Variants in NIPA1 observed in about 807,000 individuals in gnomAD.
NIPA1 encodes magnesium transporter NIPA1.
NIPA1 carries 13 observed loss-of-function variants against 23.9 expected under a neutral mutation model. The ratio of observed to expected loss-of-function variants is 0.54; its 90% CI spans 0.35 to 0.87. NIPA1 has a LOEUF of 0.87. Among genes scored for constraint, NIPA1 ranks in the 40% least tolerant of loss-of-function variants. NIPA1 has a pLI of 0.01. For missense variants in NIPA1, 362 were observed against 429.7 expected (o/e 0.84, Z 1.39); for synonymous variants, 234 against 202.9 (o/e 1.15, Z -1.30).
rs1398329077 is a variant in NIPA1 at position 22,829,087 on chromosome 15, T to A, written c.*4848T>A. The A allele has an allele frequency of 6.6e-6, 1 of 152,202 alleles. No homozygotes were observed. The allele number at this position is 152,202 out of a possible 1,614,324, so 9.4% of individuals were successfully genotyped here. A position where few individuals can be genotyped will look rare whatever the true frequency, so the allele number is the denominator to read the frequency against. On this transcript the variant is annotated 3_prime_UTR_variant, in exon 5 of 5. Coordinates refer to ENST00000337435, the MANE Select transcript of NIPA1 (RefSeq NM_144599.5). ...AAGCTTTAGTTTTCCTTTTTTTGTT[T>A]TAAAAGAAAGGGTTTTATATGTTCT...
Position 22,818,943 on chromosome 15 carries a change from G to A in NIPA1, c.318-1370G>A, listed in dbSNP as rs540617644. On this transcript the variant is annotated intron_variant, in intron 3 of 4. Transcript: ENST00000337435. ...TCTTGGCATAGTCCACCCGTTGTCC[G>A]AGGCCAGTTCCAGGCCCACTTTTTG... Among the ~76,000 whole-genome samples, 4 of 152,252 alleles carry A rather than the reference G, an allele frequency of 2.6e-5. No individual in the cohort carries two copies. The South Asian group carries it at 8.3e-4, about 32-fold the overall frequency.
rs1277001936 is a variant in NIPA1 at position 22,829,676 on chromosome 15, T to A, written c.*5437T>A. 6.6e-6 allele frequency: 1 copy of A among 152,176 alleles called. No individual in the cohort carries two copies. Among genetic ancestry groups the A allele is most frequent in the Non-Finnish European group, 1.5e-5 (1 of 68,034 alleles). The allele number at this position is 152,176 out of a possible 1,614,324, so 9.4% of individuals were successfully genotyped here. On this transcript the variant is annotated 3_prime_UTR_variant, in exon 5 of 5. Coordinates refer to ENST00000337435, the MANE Select transcript of NIPA1 (RefSeq NM_144599.5). The stretch of plus-strand genomic sequence containing the variant: ...ACCTGCTTATATTTTGCTTTATAGA[T>A]GTAGTCATAGCATGTTGTTATTGCC...
chr15:22,798,927 A>G (rs1895004617), intron 1 of NIPA1, among the ~76,000 whole-genome samples: 1 of 151,612 alleles, frequency 6.6e-6, no homozygotes, highest in Non-Finnish European at 1.5e-5. Flanking sequence ...AATCCCATGT[A>G]CATATCACCC....
chr15:22,824,193 A>G lies in NIPA1; in HGVS notation c.944A>G (p.Asn315Ser), dbSNP rs1046534838. 3 of 1,613,560 alleles carry G rather than the reference A, an allele frequency of 1.9e-6. No individual in the cohort carries two copies. The highest frequency in any genetic ancestry group is 1.7e-5 in the Admixed American group (1 of 60,022). Residue 315 changes from asparagine to serine, a missense_variant, in exon 5 of 5, where the codon AAT (asparagine) becomes AGT (serine). This residue lies in a region of NIPA1 where 277 missense variants were observed against 372.0 expected (regional missense o/e 0.74). Transcript: ENST00000337435. The surrounding 1 kb of genome is among the most constrained non-coding windows in gnomAD (Gnocchi z 4.1). ...CTTATACAGGTGTTCAAAGAGTTCA[A>G]TTTCAACCTTGGGGAGATGAACAAA... ...IVLIQVFKEFNFNLGEMNKSN... is the reference protein window; with the variant it reads ...IVLIQVFKEFSFNLGEMNKSN...
chr15:22,795,573 C>T (rs528293104), intron 1 of NIPA1, among the ~76,000 whole-genome samples: 11 of 152,240 alleles, frequency 7.2e-5, no homozygotes, highest in African/African-American at 2.6e-4. Context: ...CCTTGGACGC[C>T]CTTACAGCGT....
At chr15:22,805,972 G>A (rs1895199440) in intron 1 of NIPA1, among the ~76,000 whole-genome samples, 1 of 152,002 alleles carries the variant, frequency 6.6e-6, no homozygotes, top group South Asian at 2.1e-4. Context: ...CGCCCAGGCT[G>A]GAGTGCAGTG....
intron 1 of NIPA1, among the ~76,000 whole-genome samples, chr15:22,802,011 A>G (rs921360566): frequency 1.3e-5 from 2 of 152,198 alleles, no homozygotes; most frequent in South Asian, 2.1e-4. Flanking sequence ...GACATTTCCC[A>G]TAGAAACTGC....
Position 22,823,909 on chromosome 15 carries a change from C to T in NIPA1, c.660C>T (p.Asn220=), listed in dbSNP as rs780423343. The T allele has an allele frequency of 3.7e-6, 6 of 1,614,084 alleles. No individual in the cohort carries two copies. The African/African-American group carries it at 5.3e-5, about 14-fold the overall frequency. ...CGGCCCAAGACATCTTGCATAACAA[C>T]CCGTCCAGTCAGAGAGCCCTCTGCC... ...GLAAQDILHN[N]PSSQRALCLC... Residue 220 remains asparagine (N), a synonymous_variant, in exon 5 of 5, where the codon AAC becomes AAT. Coordinates refer to ENST00000337435, the MANE Select transcript of NIPA1 (RefSeq NM_144599.5).
chr15:22,786,764 C>T lies in NIPA1; in HGVS notation c.108C>T (p.Val36=). 1 of 1,313,048 alleles carries T rather than the reference C, an allele frequency of 7.6e-7. No individual in the cohort carries two copies. Among genetic ancestry groups the T allele is most frequent in the Non-Finnish European group, 9.9e-7 (1 of 1,010,262 alleles). 81.3% of individuals were successfully genotyped at this position (1,313,048 alleles called of 1,614,324 possible). ...AAVSLGLGVA[V]VSSLVNGSTF... The stretch of plus-strand genomic sequence containing the variant: ...TGTCGCTCGGCCTGGGCGTGGCCGT[C>T]GTGTCGAGCCTGGTGAACGGGTCCA... The change falls in exon 1 of 5, where the codon GTC becomes GTT. Residue 36 remains valine (V), a synonymous_variant. Transcript: ENST00000337435.
At chr15:22,812,674 T>C (rs1895343705) in intron 3 of NIPA1, among the ~76,000 whole-genome samples, 1 of 151,892 alleles carries the variant, frequency 6.6e-6, no homozygotes, top group Admixed American at 6.6e-5. Context: ...AGAAGATAGA[T>C]CTTCAGTATT....
In NIPA1 at chr15:22,824,409, C is replaced by T; in HGVS notation, c.*170C>T. 1 of 671,650 alleles carries T rather than the reference C, an allele frequency of 1.5e-6. No individual in the cohort carries two copies. The highest frequency in any genetic ancestry group is 2.6e-6 in the Non-Finnish European group (1 of 377,970). 41.6% of individuals were successfully genotyped at this position (671,650 alleles called of 1,614,324 possible). A position where few individuals can be genotyped will look rare whatever the true frequency, so the allele number is the denominator to read the frequency against. On this transcript the variant is annotated 3_prime_UTR_variant, in exon 5 of 5. Coordinates refer to ENST00000337435, the MANE Select transcript of NIPA1 (RefSeq NM_144599.5). This position sits in a 1 kb window ranked among gnomAD's most constrained non-coding sequence, Gnocchi z 4.1. ...ATGGCTCAGCACCAGAGCAGAGGCC[C>T]AGCCAGCCCTCTGCAGCCCAAACGT...
At chr15:22,813,541 T>C (rs1895359241) in intron 3 of NIPA1, 1 of 433,074 alleles carries the variant, frequency 2.3e-6, no homozygotes, top group Non-Finnish European at 4.6e-6. Flanking sequence ...GATTTGTCTT[T>C]GAAGAAATCA....
chr15:22,789,983 G>A (rs866697897), intron 1 of NIPA1, among the ~76,000 whole-genome samples: 3 of 152,174 alleles, frequency 2.0e-5, no homozygotes, highest in East Asian at 3.9e-4. Flanking sequence ...TAGCAGAGAC[G>A]GGGTTTCACC....
rs1051065591 is a variant in NIPA1, at chr15:22,827,511, C to A, written c.*3272C>A. The A allele has an allele frequency of 1.3e-5, 2 of 152,176 alleles. No individual in the cohort carries two copies. Among genetic ancestry groups the A allele is most frequent in the African/African-American group, 4.8e-5 (2 of 41,450 alleles). 9.4% of individuals were successfully genotyped at this position (152,176 alleles called of 1,614,324 possible). A position where few individuals can be genotyped will look rare whatever the true frequency, so the allele number is the denominator to read the frequency against. On this transcript the variant is annotated 3_prime_UTR_variant, in exon 5 of 5. Transcript: ENST00000337435. The stretch of plus-strand genomic sequence containing the variant: ...GGCCTTGCTCAGCTCTCATTGAGAT[C>A]TTTTCCTATCAGAATGTTAGTGAAT...
At position 22,826,027 on chromosome 15, in the gene NIPA1, G is replaced by A. The variant is rs540627450; in HGVS notation, c.*1788G>A. Reference sequence around the variant, plus strand: ...GATGGGGTTGGGTAAAGTAGATTAGGTGAAGTAGAACATAAAATTGAATAG... The same window carrying A: ...GATGGGGTTGGGTAAAGTAGATTAGATGAAGTAGAACATAAAATTGAATAG... On this transcript the variant is annotated 3_prime_UTR_variant, in exon 5 of 5. Coordinates refer to ENST00000337435, the MANE Select transcript of NIPA1 (RefSeq NM_144599.5). 2 of 152,244 alleles carry A rather than the reference G, an allele frequency of 1.3e-5. No individual in the cohort carries two copies. The highest frequency in any genetic ancestry group is 6.5e-5 in the Admixed American group (1 of 15,288). The allele number at this position is 152,244 out of a possible 1,614,324, so 9.4% of individuals were successfully genotyped here. A position where few individuals can be genotyped will look rare whatever the true frequency, so the allele number is the denominator to read the frequency against.
rs1209673949 is a variant in NIPA1 at position 22,825,034 on chromosome 15, A to G, written c.*795A>G. 6.6e-6 allele frequency: 1 copy of G among 152,596 alleles called. No individual in the cohort carries two copies. The highest frequency in any genetic ancestry group is 6.5e-5 in the Admixed American group (1 of 15,286). 9.5% of individuals were successfully genotyped at this position (152,596 alleles called of 1,614,324 possible). A position where few individuals can be genotyped will look rare whatever the true frequency, so the allele number is the denominator to read the frequency against. On this transcript the variant is annotated 3_prime_UTR_variant, in exon 5 of 5. Coordinates refer to ENST00000337435, the MANE Select transcript of NIPA1 (RefSeq NM_144599.5). The stretch of plus-strand genomic sequence containing the variant: ...AATGTATAAGGCAGTTAGAAATAAT[A>G]CAGTCACATGTCACTTAATGATAGG...
chr15:22,810,933 A>G (rs1895303687), intron 2 of NIPA1, 137 bp downstream of exon 2: 2 of 758,404 alleles, frequency 2.6e-6, no homozygotes, highest in Non-Finnish European at 4.8e-6. Flanking sequence ...CCCAGGCCCT[A>G]AGCGTGCCTT....
In NIPA1 at chr15:22,791,943, C is replaced by T. The variant is rs1315487030; in HGVS notation, c.178+5109C>T. 2.7e-5 allele frequency among the ~76,000 whole-genome samples: 4 copies of T among 149,076 alleles called. No individual in the cohort carries two copies. The East Asian group carries it at 7.9e-4, about 29-fold the overall frequency. On this transcript the variant is annotated intron_variant, in intron 1 of 4. Coordinates refer to ENST00000337435, the MANE Select transcript of NIPA1 (RefSeq NM_144599.5). ...TCTACAGCATAGGCTCGGATGGGGC[C>T]GCCTGCCTTCTTTGCCATGCTTTTG... is the stretch of plus-strand genomic sequence containing the variant.
intron 4 of NIPA1, among the ~76,000 whole-genome samples, chr15:22,820,913 A>G (rs969764786): frequency 6.6e-6 from 1 of 151,804 alleles, no homozygotes; most frequent in African/African-American, 2.4e-5. Context: ...AAGACCTGGC[A>G]TCTCTTAAGT....
Sources: allele counts gnomAD v4.1 joint callset (sites outside exome capture counted in the v4.1 genomes callset), GRCh38; gene constraint gnomAD v4.1.1; regional missense constraint gnomAD v4.1.1; non-coding constraint Gnocchi (gnomAD v3.1); transcripts MANE v1.5; gene names NCBI Gene and HGNC (gene_info 2026-07-23, HGNC 2026-07-21).